The following ELMO2 variants were observed in gnomAD, a reference collection of about 807,000 sequenced individuals.
The protein encoded by ELMO2 is engulfment and cell motility protein 2.
Under a neutral mutation model 96.2 loss-of-function variants are expected in ELMO2, and 37 were observed. The observed-to-expected ratio is 0.38, with a 90% CI of 0.30 to 0.51. The LOEUF is 0.51. Among genes scored for constraint, ELMO2 ranks in the 20% least tolerant of loss-of-function variants. ELMO2 has a pLI of 0.88. For missense variants in ELMO2, 561 were observed against 912.6 expected, an observed-to-expected ratio of 0.61 and a Z score of 4.96; for synonymous variants, 315 against 329.4, an observed-to-expected ratio of 0.96 and a Z score of 0.47.
intron 8 of ELMO2, among the ~76,000 whole-genome samples, chr20:46,386,554 A>T (rs543283773): frequency 1.3e-5 from 2 of 152,336 alleles, no homozygotes; most frequent in Admixed American, 6.5e-5. Context: ...AGTTTGAGAA[A>T]GTGGGGTATA....
In ELMO2 at chr20:46,387,325, T is replaced by C. The variant is rs1207794152; in HGVS notation, c.525+13A>G. On this transcript the variant is annotated intron_variant, in intron 8 of 21. Coordinates refer to ENST00000290246, the MANE Select transcript of ELMO2 (RefSeq NM_133171.5). The stretch of plus-strand genomic sequence containing the variant: ...TGAGGGAGGAGAGAAAGACAGAATG[T>C]TGGAGGCCTCACCTGCTTAATAAAG... 4 of 1,611,786 alleles carry C rather than the reference T, an allele frequency of 2.5e-6. No individual in the cohort carries two copies. The highest frequency in any genetic ancestry group is 1.7e-5 in the Admixed American group (1 of 59,960).
rs761333164 is a variant in ELMO2 at position 46,394,528 on chromosome 20, G to A, written c.-46C>T. ...TCTGCGAGACAAAAACACAGACACG[G>A]CTGCCTGGGGAGAAAGAATCAGAAA... On this transcript the variant is annotated 5_prime_UTR_variant, in exon 3 of 22. Coordinates refer to ENST00000290246, the MANE Select transcript of ELMO2 (RefSeq NM_133171.5). 7.6e-6 allele frequency: 12 copies of A among 1,583,212 alleles called. No homozygotes were observed. Among genetic ancestry groups the A allele is most frequent in the Non-Finnish European group, 1.0e-5 (12 of 1,151,916 alleles).
chr20:46,388,035 T>C (rs113781096), intron 7 of ELMO2, among the ~76,000 whole-genome samples: 2,608 of 152,340 alleles, frequency 0.017, 66 homozygotes, highest in African/African-American at 0.059. Flanking sequence ...CTCTTTTTTC[T>C]CTTCTCCTTA....
At chr20:46,395,058 C>T (rs1451928913) in intron 2 of ELMO2, among the ~76,000 whole-genome samples, 1 of 152,134 alleles carries the variant, frequency 6.6e-6, no homozygotes, top group East Asian at 1.9e-4. Flanking sequence ...CAATGCAAAG[C>T]CTCCTCTGTG....
intron 3 of ELMO2, 51 bp downstream of exon 3, chr20:46,394,354 A>G (rs770677186): frequency 1.9e-6 from 3 of 1,589,202 alleles, no homozygotes; most frequent in South Asian, 1.1e-5. Flanking sequence ...TCTGCCATGC[A>G]CTCCCCAGGT....
intron 15 of ELMO2, among the ~76,000 whole-genome samples, chr20:46,374,090 A>C: frequency 7.7e-6 from 1 of 129,288 alleles, no homozygotes; most frequent in African/African-American, 3.0e-5. Flanking sequence ...CCAGTTGGCT[A>C]ATTTTTGGTT....
chr20:46,367,039 G>C lies in ELMO2; in HGVS notation c.*321C>G, dbSNP rs3179883. The C allele has an allele frequency of 4.5e-6, 1 of 220,676 alleles. No individual in the cohort carries two copies. Among genetic ancestry groups the C allele is most frequent in the Non-Finnish European group, 8.8e-6 (1 of 113,354 alleles). 13.7% of individuals were successfully genotyped at this position (220,676 alleles called of 1,614,324 possible). ...GAGAGCAGGCTCAGGAGGAAAAGGTGAGTGGCTGTTGTTAAATCCATTTCA... is the reference window on the plus strand; with the variant it reads ...GAGAGCAGGCTCAGGAGGAAAAGGTCAGTGGCTGTTGTTAAATCCATTTCA... On this transcript the variant is annotated 3_prime_UTR_variant, in exon 22 of 22. Coordinates refer to ENST00000290246, the MANE Select transcript of ELMO2 (RefSeq NM_133171.5).
At chr20:46,386,397 G>C in intron 8 of ELMO2, 122 bp from the exon 9 acceptor site, 1 of 1,358,538 alleles carries the variant, frequency 7.4e-7, no homozygotes, top group Non-Finnish European at 1.0e-6. Context: ...TTGCTAGGTG[G>C]ATAGTGGTAT....
At position 46,395,291 on chromosome 20, in the gene ELMO2, G is replaced by C. The variant is rs927631295; in HGVS notation, c.-50-759C>G. On this transcript the variant is annotated intron_variant, in intron 2 of 21. Transcript: ENST00000290246. ...TAAATCATCCTGAGCAAGTCTGGAA[G>C]ATGGGCCCATGTGACTGGTATCCTA... Among the ~76,000 whole-genome samples the C allele has an allele frequency of 2.6e-5, 4 of 152,196 alleles. No homozygotes were observed. The South Asian group carries it at 6.2e-4, about 24-fold the overall frequency.
chr20:46,393,707 G>T, intron 4 of ELMO2, 106 bp from the exon 5 acceptor site: 1 of 1,205,898 alleles, frequency 8.3e-7, no homozygotes, highest in Non-Finnish European at 1.2e-6. Context: ...TGGCCTATTT[G>T]GAATACAGTG....
At position 46,392,117 on chromosome 20, in the gene ELMO2, T is replaced by G. The variant is rs147486576; in HGVS notation, c.243+976A>C. Among the ~76,000 whole-genome samples the G allele has an allele frequency of 1.7e-4, 26 of 152,312 alleles. No homozygotes were observed. In the East Asian group the frequency reaches 4.8e-3, roughly 28 times the overall value. ...AAGTCATTAGACAGCTTTTCTGCTCTCAGTTTACTAAATCTCTCTGCTTAT... is the reference window on the plus strand; with the variant it reads ...AAGTCATTAGACAGCTTTTCTGCTCGCAGTTTACTAAATCTCTCTGCTTAT... On this transcript the variant is annotated intron_variant, in intron 6 of 21. Coordinates refer to ENST00000290246, the MANE Select transcript of ELMO2 (RefSeq NM_133171.5).
At chr20:46,376,564 C>G (rs923040468) in intron 11 of ELMO2, 22 of 1,226,422 alleles carry the variant, frequency 1.8e-5, no homozygotes, top group Non-Finnish European at 1.9e-5. Context: ...CTTTCTCTTG[C>G]ATGCTATGTC....
Position 46,393,220 on chromosome 20 carries a change from A to G in ELMO2, c.193-77T>C. ...GGTACAAGCAAGTTGAATCAACAATAATGTTTTGTCTTTTTTACAGTAGAT... is the reference window on the plus strand; with the variant it reads ...GGTACAAGCAAGTTGAATCAACAATGATGTTTTGTCTTTTTTACAGTAGAT... On this transcript the variant is annotated intron_variant, in intron 5 of 21. Transcript: ENST00000290246. 13 of 1,439,240 alleles carry G rather than the reference A, an allele frequency of 9.0e-6. 1 individual carries two copies. The South Asian group carries it at 1.4e-4, about 15-fold the overall frequency. 89.2% of individuals were successfully genotyped at this position (1,439,240 alleles called of 1,614,324 possible). A position where few individuals can be genotyped will look rare whatever the true frequency, so the allele number is the denominator to read the frequency against.
rs1002098260 is a variant in ELMO2, at chr20:46,371,059, A to T, written c.1801+293T>A. Among the ~76,000 whole-genome samples the T allele has an allele frequency of 2.0e-5, 3 of 152,214 alleles. 1 individual carries two copies. The highest frequency in any genetic ancestry group is 4.4e-5 in the Non-Finnish European group (3 of 68,028). On this transcript the variant is annotated intron_variant, in intron 19 of 21. Coordinates refer to ENST00000290246, the MANE Select transcript of ELMO2 (RefSeq NM_133171.5). This position sits in a 1 kb window ranked among gnomAD's most constrained non-coding sequence, Gnocchi z 5.9. ...CAAGTTAATTAGGAGCAAAGCCAGG[A>T]TTTGAATGTGGGCAGTCTGGCTTCA... is the stretch of plus-strand genomic sequence containing the variant.
At chr20:46,370,166 C>T in intron 20 of ELMO2, 1 of 576,570 alleles carries the variant, frequency 1.7e-6, no homozygotes, top group South Asian at 1.6e-5. Context: ...ATACGATGTA[C>T]ACTAAATATT....
intron 2 of ELMO2, among the ~76,000 whole-genome samples, chr20:46,396,499 C>T (rs766109466): frequency 8.5e-5 from 13 of 152,130 alleles, no homozygotes; most frequent in Non-Finnish European, 1.8e-4. Context: ...ATTTTCATCA[C>T]CCTAGAAAAT....
chr20:46,375,312 G>A lies in ELMO2; in HGVS notation c.989C>T (p.Pro330Leu), dbSNP rs537485260. Reference sequence around the variant, plus strand: ...GGTCCCACTCCCAGGGGCATTGCTAGGATCAGACTCTGCGTCAAATGCAAT... The same window carrying A: ...GGTCCCACTCCCAGGGGCATTGCTAAGATCAGACTCTGCGTCAAATGCAAT... The part of the protein sequence containing the change: ...RRIAFDAESD[P>L]SNAPGSGTEK... The change falls in exon 13 of 22, where the codon CCT (proline) becomes CTT (leucine). Residue 330 changes from proline (P) to leucine (L), a missense_variant. Pro to Leu is a moderately conservative substitution (Grantham distance 98). Coordinates refer to ENST00000290246, the MANE Select transcript of ELMO2 (RefSeq NM_133171.5). The surrounding 1 kb of genome is among the most constrained non-coding windows in gnomAD (Gnocchi z 4.6). 1 of 1,614,192 alleles carries A rather than the reference G, an allele frequency of 6.2e-7. No individual in the cohort carries two copies. Among genetic ancestry groups the A allele is most frequent in the African/African-American group, 1.3e-5 (1 of 75,038 alleles).
At chr20:46,376,749 C>T in intron 11 of ELMO2, 1 of 1,289,436 alleles carries the variant, frequency 7.8e-7, no homozygotes, top group South Asian at 1.2e-5. Context: ...CCAAATGAGG[C>T]TCTCCTCCAT....
chr20:46,374,708 CCCTCTCGCCTCT>C, intron 13 of ELMO2, 68 bp from the exon 14 acceptor site: 4 of 1,377,670 alleles, frequency 2.9e-6, no homozygotes, highest in Non-Finnish European at 4.1e-6. Flanking sequence ...TGAGGGGATG[CCCTCTCGCCTCT>C]CCTCTTGATG....
Sources: allele counts gnomAD v4.1 joint callset (sites outside exome capture counted in the v4.1 genomes callset), GRCh38; gene constraint gnomAD v4.1.1; non-coding constraint Gnocchi (gnomAD v3.1); transcripts MANE v1.5; gene names NCBI Gene and HGNC (gene_info 2026-07-23, HGNC 2026-07-21).